The following DLG2 variants were observed in gnomAD, a reference collection of about 807,000 sequenced individuals.
DLG2 encodes discs large MAGUK scaffold protein 2, also known as disks large homolog 2.
Under a neutral mutation model 132.5 loss-of-function variants are expected in DLG2, and 45 were observed. That is an observed-to-expected ratio of 0.34 (90% CI 0.27 to 0.44). DLG2 has a LOEUF of 0.44. DLG2 is among the 20% of genes least tolerant of loss of function. The pLI, the probability that DLG2 is intolerant of heterozygous loss-of-function variation, is 1.00. For synonymous variants in DLG2, 424 were observed against 419.6 expected, an observed-to-expected ratio of 1.01 and a Z score of -0.13; for missense variants, 1,045 against 1,196.9, an observed-to-expected ratio of 0.87 and a Z score of 1.87.
At chr11:85,604,756 T>A (rs556140158) in intron 2 of DLG2, among the ~76,000 whole-genome samples, 1 of 152,194 alleles carries the variant, frequency 6.6e-6, no homozygotes, top group African/African-American at 2.4e-5. Flanking sequence ...GGATAGTGAA[T>A]GTTACATAAT....
At chr11:84,860,020 C>T (rs1222805577) in intron 6 of DLG2, among the ~76,000 whole-genome samples, 1 of 152,154 alleles carries the variant, frequency 6.6e-6, no homozygotes, top group Non-Finnish European at 1.5e-5. Context: ...GTAATCTTAA[C>T]AGGCTGGTAG....
rs533348962 is a variant in DLG2, at chr11:84,617,059, C to A, written c.358-82328G>T. On this transcript the variant is annotated intron_variant, in intron 6 of 27. Coordinates refer to ENST00000376104, the MANE Select transcript of DLG2 (RefSeq NM_001142699.3). Reference sequence around the variant, plus strand: ...TGCAGGTTTGTTACATAGGTATACACGTGCCATGGTGGTTTGATGCACCCA... The same window carrying A: ...TGCAGGTTTGTTACATAGGTATACAAGTGCCATGGTGGTTTGATGCACCCA... Among the ~76,000 whole-genome samples, 4 of 150,700 alleles carry A rather than the reference C, an allele frequency of 2.7e-5. No individual in the cohort carries two copies. The East Asian group carries it at 5.9e-4, about 22-fold the overall frequency.
intron 6 of DLG2, among the ~76,000 whole-genome samples, chr11:84,733,877 C>T (rs1244688961): frequency 1.3e-5 from 2 of 152,122 alleles, no homozygotes; most frequent in South Asian, 2.1e-4. Flanking sequence ...TGTCCCAGCA[C>T]CATTTGTTGA....
chr11:84,327,808 CT>C (rs1395983522), intron 7 of DLG2, among the ~76,000 whole-genome samples: 3 of 152,040 alleles, frequency 2.0e-5, no homozygotes, highest in Non-Finnish European at 4.4e-5. Flanking sequence ...TATTTTTATA[CT>C]TTTGTCTTTT....
At chr11:84,917,271 T>G (rs1172145636) in intron 6 of DLG2, among the ~76,000 whole-genome samples, 1 of 152,136 alleles carries the variant, frequency 6.6e-6, no homozygotes, top group Non-Finnish European at 1.5e-5. Context: ...CAACATGTAT[T>G]AGAAAGAAGC....
At chr11:83,773,062 CA>C (rs879876111) in intron 18 of DLG2, among the ~76,000 whole-genome samples, 12 of 152,122 alleles carry the variant, frequency 7.9e-5, no homozygotes, top group Admixed American at 1.3e-4. Flanking sequence ...ATATGATTAG[CA>C]AACTTATGGA....
At chr11:85,170,314 C>G (rs979541182) in intron 4 of DLG2, among the ~76,000 whole-genome samples, 1 of 152,074 alleles carries the variant, frequency 6.6e-6, no homozygotes, top group Non-Finnish European at 1.5e-5. Context: ...TCTTTCCCCC[C>G]ACATATACAG....
At chr11:84,154,107 C>T (rs2095370063) in intron 9 of DLG2, among the ~76,000 whole-genome samples, 1 of 152,172 alleles carries the variant, frequency 6.6e-6, no homozygotes, top group African/African-American at 2.4e-5. Flanking sequence ...AAGCGATTCT[C>T]ATGTCTCCGC....
chr11:84,123,772 T>C (rs1332565503), intron 9 of DLG2, among the ~76,000 whole-genome samples: 1 of 152,212 alleles, frequency 6.6e-6, no homozygotes, highest in African/African-American at 2.4e-5. Flanking sequence ...ATTTTTTATA[T>C]CTTAATATAT....
At chr11:84,879,571 A>C (rs1006844803) in intron 6 of DLG2, among the ~76,000 whole-genome samples, 1 of 152,116 alleles carries the variant, frequency 6.6e-6, no homozygotes, top group Non-Finnish European at 1.5e-5. Flanking sequence ...GCACATTTTC[A>C]GTCTGATTAG....
chr11:84,034,864 C>G (rs967300248), intron 11 of DLG2, among the ~76,000 whole-genome samples: 1 of 152,158 alleles, frequency 6.6e-6, no homozygotes, highest in African/African-American at 2.4e-5. Flanking sequence ...TTCTGGGGAA[C>G]ATTTTGCAGA....
At chr11:84,228,147 A>T (rs1023436424) in intron 8 of DLG2, among the ~76,000 whole-genome samples, 3 of 152,088 alleles carry the variant, frequency 2.0e-5, no homozygotes, top group African/African-American at 7.2e-5. Flanking sequence ...TAATGCCCTT[A>T]ACTATCCATC....
intron 21 of DLG2, among the ~76,000 whole-genome samples, chr11:83,528,023 A>G (rs1475546079): frequency 6.6e-6 from 1 of 152,102 alleles, no homozygotes; most frequent in Non-Finnish European, 1.5e-5. Context: ...TTGACTAGAG[A>G]CTCATTAGAA....
intron 18 of DLG2, among the ~76,000 whole-genome samples, chr11:83,716,313 G>A (rs1212161218): frequency 6.6e-6 from 1 of 152,202 alleles, no homozygotes; most frequent in Admixed American, 6.5e-5. Context: ...ATGGGAGGGA[G>A]CCAGCAGCCC....
chr11:83,994,204 G>A (rs956580608), intron 11 of DLG2, among the ~76,000 whole-genome samples: 1 of 152,014 alleles, frequency 6.6e-6, no homozygotes, highest in Non-Finnish European at 1.5e-5. Flanking sequence ...TTTAACAGCT[G>A]GTATGAAATG....
At chr11:84,442,599 C>A (rs2154478174) in intron 7 of DLG2, among the ~76,000 whole-genome samples, 1 of 151,838 alleles carries the variant, frequency 6.6e-6, no homozygotes, top group East Asian at 1.9e-4. Context: ...TTGATGGGTG[C>A]AGCAAACCAC....
At chr11:83,591,799 G>C (rs2097192012) in intron 19 of DLG2, among the ~76,000 whole-genome samples, 1 of 152,054 alleles carries the variant, frequency 6.6e-6, no homozygotes. Flanking sequence ...CAAAGTCTCA[G>C]GATACAAAAT....
chr11:84,426,588 T>C (rs1449250632), intron 7 of DLG2, among the ~76,000 whole-genome samples: 2 of 152,176 alleles, frequency 1.3e-5, no homozygotes, highest in South Asian at 4.1e-4. Flanking sequence ...TGGCCCATAG[T>C]AAAGACACAA....
At chr11:83,943,938 T>C (rs78050635) in intron 14 of DLG2, among the ~76,000 whole-genome samples, 5,048 of 152,264 alleles carry the variant, frequency 0.033, 134 homozygotes, top group East Asian at 0.15. Flanking sequence ...ATCTACCTTA[T>C]AGGACTGCTA....
Sources: allele counts gnomAD v4.1 joint callset (sites outside exome capture counted in the v4.1 genomes callset), GRCh38; gene constraint gnomAD v4.1.1; transcripts MANE v1.5; gene names NCBI Gene and HGNC (gene_info 2026-07-23, HGNC 2026-07-21).